RORA: variants seen among roughly 807,000 people sequenced by gnomAD.
RORA encodes the protein nuclear receptor ROR-alpha.
RORA carries 7 observed loss-of-function variants against 69.5 expected under a neutral mutation model. The observed-to-expected ratio is 0.10, with a 90% CI of 0.06 to 0.19. The LOEUF is 0.19. RORA is among the 10% of genes least tolerant of loss of function. The pLI is 1.00. For missense variants in RORA, 457 were observed against 663.0 expected (o/e 0.69, Z 3.41); for synonymous variants, 261 against 240.8 (o/e 1.08, Z -0.78).
At chr15:60,536,134 T>C (rs2066670387) in intron 2 of RORA, among the ~76,000 whole-genome samples, 1 of 152,234 alleles carries the variant, frequency 6.6e-6, no homozygotes, top group Admixed American at 6.5e-5. Context: ...CGTTTGACAG[T>C]TCTTAAGGCC....
intron 1 of RORA, among the ~76,000 whole-genome samples, chr15:60,723,195 A>T (rs1004665350): frequency 6.6e-6 from 1 of 152,236 alleles, no homozygotes; most frequent in African/African-American, 2.4e-5. Context: ...TAGATTTTAT[A>T]AAAAGGCTAA....
intron 1 of RORA, among the ~76,000 whole-genome samples, chr15:60,695,038 C>T (rs2070882356): frequency 6.6e-6 from 1 of 152,138 alleles, no homozygotes; most frequent in African/African-American, 2.4e-5. Context: ...CCACGTTAGT[C>T]AGGCACTATG....
At chr15:60,839,378 TCTTTA>T (rs2073165823) in intron 1 of RORA, among the ~76,000 whole-genome samples, 1 of 152,228 alleles carries the variant, frequency 6.6e-6, no homozygotes, top group South Asian at 2.1e-4. Flanking sequence ...CATTTGTATT[TCTTTA>T]CTTAATTTAT....
chr15:60,746,482 A>C (rs1343952179), intron 1 of RORA, among the ~76,000 whole-genome samples: 1 of 152,128 alleles, frequency 6.6e-6, no homozygotes, highest in Non-Finnish European at 1.5e-5. Flanking sequence ...AGAACTCGCA[A>C]TATAAGGATG....
intron 1 of RORA, among the ~76,000 whole-genome samples, chr15:60,832,104 A>G (rs1475702997): frequency 1.3e-5 from 2 of 152,234 alleles, no homozygotes; most frequent in Non-Finnish European, 2.9e-5. Flanking sequence ...AATATCTATT[A>G]TCCCCTTCTT....
At chr15:60,829,430 T>A (rs1221714924) in intron 1 of RORA, among the ~76,000 whole-genome samples, 1 of 152,088 alleles carries the variant, frequency 6.6e-6, no homozygotes, top group Non-Finnish European at 1.5e-5. Flanking sequence ...AACTTCCACC[T>A]CCACATGGGC....
At chr15:60,819,938 C>A (rs1447055588) in intron 1 of RORA, among the ~76,000 whole-genome samples, 1 of 152,224 alleles carries the variant, frequency 6.6e-6, no homozygotes, top group Non-Finnish European at 1.5e-5. Context: ...TCCCTGCCTG[C>A]TTCCAGGGCC....
chr15:60,764,414 C>T (rs529759401), intron 1 of RORA, among the ~76,000 whole-genome samples: 11 of 152,036 alleles, frequency 7.2e-5, no homozygotes, highest in Non-Finnish European at 1.3e-4. Flanking sequence ...GTTCTCTCAG[C>T]TCGAAAATTT....
intron 1 of RORA, among the ~76,000 whole-genome samples, chr15:60,687,902 C>T (rs2070770753): frequency 6.6e-6 from 1 of 152,138 alleles, no homozygotes; most frequent in African/African-American, 2.4e-5. Flanking sequence ...TGCCACTTAC[C>T]AGCTATATAA....
At chr15:60,672,677 C>T (rs1232701606) in intron 2 of RORA, among the ~76,000 whole-genome samples, 2 of 152,208 alleles carry the variant, frequency 1.3e-5, no homozygotes, top group Non-Finnish European at 2.9e-5. Flanking sequence ...CTACTTGTCT[C>T]TCATGTACAT....
intron 2 of RORA, among the ~76,000 whole-genome samples, chr15:60,600,419 A>C (rs1051005578): frequency 3.9e-5 from 6 of 152,222 alleles, no homozygotes; most frequent in East Asian, 3.8e-4. Context: ...CCACATGTCA[A>C]TAGTGGTTTT....
intron 1 of RORA, among the ~76,000 whole-genome samples, chr15:60,761,084 G>C (rs1366507135): frequency 3.9e-5 from 6 of 152,240 alleles, no homozygotes; most frequent in African/African-American, 1.2e-4. Context: ...CTAGCAAGAT[G>C]AGCAGGAAAG....
At chr15:61,085,954 C>G (rs1027427149) in intron 1 of RORA, among the ~76,000 whole-genome samples, 1 of 152,196 alleles carries the variant, frequency 6.6e-6, no homozygotes, top group African/African-American at 2.4e-5. Flanking sequence ...ATATAGGCTC[C>G]TCTTGCCTAG....
chr15:60,855,746 G>T (rs999726357), intron 1 of RORA, among the ~76,000 whole-genome samples: 4 of 33,666 alleles, frequency 1.2e-4, no homozygotes, highest in African/African-American at 2.1e-4. Flanking sequence ...TCAGCCTCCT[G>T]AGTAGCTGCA....
At chr15:60,514,880 T>G (rs1462071408) in intron 3 of RORA, 123 bp from the exon 4 acceptor site, 2 of 700,828 alleles carry the variant, frequency 2.9e-6, no homozygotes, top group Non-Finnish European at 2.3e-6. Context: ...TGTAGCAGAA[T>G]CATCCAGGAG....
intron 6 of RORA, among the ~76,000 whole-genome samples, chr15:60,505,079 T>A (rs1321265857): frequency 6.6e-6 from 1 of 152,164 alleles, no homozygotes; most frequent in Non-Finnish European, 1.5e-5. Context: ...AGCTTCTAAA[T>A]TTTTTTTGTA....
chr15:60,851,336 C>T (rs2073322357), intron 1 of RORA, among the ~76,000 whole-genome samples: 1 of 151,936 alleles, frequency 6.6e-6, no homozygotes, highest in Non-Finnish European at 1.5e-5. Context: ...CTTGGAGATG[C>T]AGTTCCTTCT....
intron 1 of RORA, among the ~76,000 whole-genome samples, chr15:61,117,826 A>G (rs146705233): frequency 7.4e-4 from 113 of 152,350 alleles, no homozygotes; most frequent in African/African-American, 2.5e-3. Context: ...GTAAAATGCA[A>G]TAACGATAGA....
chr15:60,749,556 A>C (rs969358093), intron 1 of RORA, among the ~76,000 whole-genome samples: 2 of 152,186 alleles, frequency 1.3e-5, no homozygotes, highest in Non-Finnish European at 2.9e-5. Context: ...TAATGGACTA[A>C]ACTTTGTGGG....
Sources: gnomAD v4.1 joint callset for allele counts (sites outside exome capture counted in the v4.1 genomes callset) on GRCh38, gnomAD v4.1.1 for gene constraint, MANE v1.5 for transcripts, NCBI Gene and HGNC (gene_info 2026-07-23, HGNC 2026-07-21) for gene names.